NRXN3: variants seen among roughly 807,000 people sequenced by gnomAD.
NRXN3 encodes the protein neurexin 3.
Under a neutral mutation model 137.6 loss-of-function variants are expected in NRXN3, and 32 were observed. The ratio of observed to expected loss-of-function variants is 0.23; its 90% CI spans 0.18 to 0.31. The LOEUF (loss-of-function observed/expected upper bound fraction) is 0.31, where lower values mean the gene tolerates loss of function less well. Ranked by LOEUF, NRXN3 falls within the 10% of genes least tolerant of loss-of-function variation. The pLI, the probability that NRXN3 is intolerant of heterozygous loss-of-function variation, is 1.00. For missense variants in NRXN3, 1,574 were observed against 2,062.5 expected (o/e 0.76, Z 4.59); for synonymous variants, 798 against 784.5 (o/e 1.02, Z -0.29).
In NRXN3 at chr14:79,646,294, C is replaced by T. The variant is rs1433586725; in HGVS notation, c.3445-17484C>T. 1.5e-5 allele frequency among the ~76,000 whole-genome samples: 2 copies of T among 135,470 alleles called. 1 individual carries two copies. Among genetic ancestry groups the T allele is most frequent in the Non-Finnish European group, 3.4e-5 (2 of 58,294 alleles). The allele number at this position is 135,470 out of a possible 152,430, so 88.9% of individuals were successfully genotyped here. A position where few individuals can be genotyped will look rare whatever the true frequency, so the allele number is the denominator to read the frequency against. ...AAGAGTCTTACTCTGACATAAATGA[C>T]GGCAAAGTAGATCTCTGGGCCCCTC... On this transcript the variant is annotated intron_variant, in intron 16 of 20. Transcript: ENST00000335750.
At chr14:79,762,492 T>G (rs2099042099) in intron 19 of NRXN3, among the ~76,000 whole-genome samples, 1 of 151,596 alleles carries the variant, frequency 6.6e-6, no homozygotes, top group South Asian at 2.1e-4. Context: ...TTTAATAAAT[T>G]TTTTTTCTTA....
chr14:78,262,127 C>T (rs1263362637), intron 2 of NRXN3, among the ~76,000 whole-genome samples: 1 of 152,042 alleles, frequency 6.6e-6, no homozygotes, highest in Non-Finnish European at 1.5e-5. Context: ...AGCCAGGCAG[C>T]GGGGCTGTAT....
rs908143565 is a variant in NRXN3, at chr14:78,634,101, C to A, written c.758-11019C>A. On this transcript the variant is annotated intron_variant, in intron 4 of 20. Transcript: ENST00000335750. Reference sequence around the variant, plus strand: ...GTGGCAGATGTACCTGTCACTTACTCCAGACTCCAGCCTTGTTTGACTCTC... The same window carrying A: ...GTGGCAGATGTACCTGTCACTTACTACAGACTCCAGCCTTGTTTGACTCTC... Among the ~76,000 whole-genome samples the A allele has an allele frequency of 2.6e-4, 39 of 152,210 alleles. 1 individual carries two copies. Among genetic ancestry groups the A allele is most frequent in the African/African-American group, 9.4e-4 (39 of 41,454 alleles).
chr14:78,700,897 G>A (rs556381868), intron 6 of NRXN3, among the ~76,000 whole-genome samples: 2 of 152,022 alleles, frequency 1.3e-5, no homozygotes, highest in African/African-American at 2.4e-5. Flanking sequence ...TCAGCCTCCC[G>A]AGTAGCTGGG....
At chr14:78,470,114 T>G (rs2095229589) in intron 4 of NRXN3, among the ~76,000 whole-genome samples, 1 of 152,338 alleles carries the variant, frequency 6.6e-6, no homozygotes, top group Non-Finnish European at 1.5e-5. Context: ...TAGTTTATTT[T>G]TATCCTCCAT....
chr14:79,679,914 G>A (rs535297755), intron 17 of NRXN3, among the ~76,000 whole-genome samples: 2 of 152,056 alleles, frequency 1.3e-5, no homozygotes, highest in Non-Finnish European at 2.9e-5. Flanking sequence ...TCTAATGATT[G>A]ACTGTCACTT....
At chr14:78,467,718 A>G (rs893384448) in intron 4 of NRXN3, among the ~76,000 whole-genome samples, 1 of 152,234 alleles carries the variant, frequency 6.6e-6, no homozygotes, top group Non-Finnish European at 1.5e-5. Context: ...ATGCAAGTGC[A>G]AGCATTGAAA....
chr14:78,908,149 A>T (rs2099224491), intron 10 of NRXN3, among the ~76,000 whole-genome samples: 1 of 152,058 alleles, frequency 6.6e-6, no homozygotes, highest in Non-Finnish European at 1.5e-5. Flanking sequence ...ATACATGCAA[A>T]CAGCTGCTAG....
chr14:79,236,703 A>G (rs2073422021), intron 15 of NRXN3, among the ~76,000 whole-genome samples: 1 of 151,850 alleles, frequency 6.6e-6, no homozygotes, highest in Non-Finnish European at 1.5e-5. Context: ...CTTGAACTCA[A>G]GAGTTGGAGA....
At chr14:79,845,553 A>G (rs903954844) in intron 20 of NRXN3, among the ~76,000 whole-genome samples, 1 of 148,308 alleles carries the variant, frequency 6.7e-6, no homozygotes, top group Admixed American at 6.9e-5. Flanking sequence ...AGAGACAAGG[A>G]TAGACAGAGA....
chr14:79,307,997 G>A (rs2086419562), intron 15 of NRXN3, among the ~76,000 whole-genome samples: 1 of 151,942 alleles, frequency 6.6e-6, no homozygotes, highest in Admixed American at 6.6e-5. Context: ...GTTTATAAAT[G>A]GTGATCTTGT....
At chr14:79,370,668 C>CA (rs1467504545) in intron 15 of NRXN3, among the ~76,000 whole-genome samples, 1 of 152,000 alleles carries the variant, frequency 6.6e-6, no homozygotes, top group Non-Finnish European at 1.5e-5. Context: ...TGTTTGACTC[C>CA]AAAATACATG....
intron 16 of NRXN3, among the ~76,000 whole-genome samples, chr14:79,622,273 G>A (rs1273596867): frequency 1.3e-5 from 2 of 152,176 alleles, no homozygotes; most frequent in Non-Finnish European, 1.5e-5. Flanking sequence ...TAGTAGAAGT[G>A]ATCCTTTTGT....
chr14:78,211,371 G>A (rs1188945357), intron 1 of NRXN3, among the ~76,000 whole-genome samples: 3 of 152,196 alleles, frequency 2.0e-5, no homozygotes, highest in Admixed American at 6.5e-5. Flanking sequence ...TCCTACCTCA[G>A]TGTTCACTTA....
intron 19 of NRXN3, among the ~76,000 whole-genome samples, chr14:79,791,503 T>G (rs1180298937): frequency 7.0e-6 from 1 of 143,032 alleles, no homozygotes; most frequent in Non-Finnish European, 1.5e-5. Context: ...TAATTATATA[T>G]TGTAATTATA....
chr14:78,781,235 T>C (rs1418735634), intron 8 of NRXN3, among the ~76,000 whole-genome samples: 2 of 152,140 alleles, frequency 1.3e-5, no homozygotes, highest in African/African-American at 4.8e-5. Flanking sequence ...TCATGTGTAG[T>C]TTCATATATA....
intron 11 of NRXN3, among the ~76,000 whole-genome samples, chr14:78,961,053 G>A (rs1439324527): frequency 7.6e-6 from 1 of 131,544 alleles, no homozygotes; most frequent in Non-Finnish European, 1.6e-5. Flanking sequence ...TTTTTTTACT[G>A]AAGTATTTTA....
chr14:78,512,355 A>AT (rs1024807194), intron 4 of NRXN3, among the ~76,000 whole-genome samples: 40 of 152,312 alleles, frequency 2.6e-4, no homozygotes, highest in African/African-American at 9.4e-4. Flanking sequence ...ACAAAGGCTG[A>AT]TACAGAAAGG....
intron 4 of NRXN3, among the ~76,000 whole-genome samples, chr14:78,423,622 A>G (rs764804636): frequency 6.6e-6 from 1 of 152,218 alleles, no homozygotes; most frequent in Non-Finnish European, 1.5e-5. Flanking sequence ...AACTCTTTTC[A>G]AGTAAAGTAG....
Sources: gnomAD v4.1 joint callset for allele counts (sites outside exome capture counted in the v4.1 genomes callset) on GRCh38, gnomAD v4.1.1 for gene constraint, MANE v1.5 for transcripts, NCBI Gene and HGNC (gene_info 2026-07-23, HGNC 2026-07-21) for gene names.